Variants in RNF185 observed in about 807,000 individuals in gnomAD.
RNF185 encodes ring finger protein 185.
Under a neutral mutation model 24.9 loss-of-function variants are expected in RNF185, and 13 were observed. That is an observed-to-expected ratio of 0.52 (90% CI 0.34 to 0.83). The LOEUF (loss-of-function observed/expected upper bound fraction) is 0.83. Among genes scored for constraint, RNF185 ranks in the 40% least tolerant of loss-of-function variants. The pLI is 0.01. For synonymous variants in RNF185, 79 were observed against 90.3 expected, an observed-to-expected ratio of 0.88 and a Z score of 0.71; for missense variants, 184 against 244.7, an observed-to-expected ratio of 0.75 and a Z score of 1.65.
chr22:31,188,122 C>T (rs535507897), intron 2 of RNF185, among the ~76,000 whole-genome samples: 31 of 152,188 alleles, frequency 2.0e-4, no homozygotes, highest in Non-Finnish European at 4.0e-4. Flanking sequence ...GGATGAGGGT[C>T]TGGGAGTGTT....
At chr22:31,173,107 G>C (rs1159689153) in intron 1 of RNF185, among the ~76,000 whole-genome samples, 3 of 152,162 alleles carry the variant, frequency 2.0e-5, no homozygotes, top group Non-Finnish European at 4.4e-5. Flanking sequence ...TCTCACTGGA[G>C]TGGGTAATAG....
intron 1 of RNF185, among the ~76,000 whole-genome samples, chr22:31,184,132 C>A (rs566523327): frequency 6.6e-6 from 1 of 151,376 alleles, no homozygotes; most frequent in South Asian, 2.1e-4. Context: ...GGGCAGCTGC[C>A]GGGCAGAGAC....
chr22:31,201,780 A>G (rs998250555), intron 6 of RNF185, among the ~76,000 whole-genome samples, 165 bp downstream of exon 6: 1 of 152,188 alleles, frequency 6.6e-6, no homozygotes, highest in African/African-American at 2.4e-5. Context: ...AGACATGGTA[A>G]CAATGCTGAG....
At chr22:31,198,697 C>T (rs1227752320) in intron 5 of RNF185, among the ~76,000 whole-genome samples, 1 of 144,674 alleles carries the variant, frequency 6.9e-6, no homozygotes, top group Admixed American at 7.0e-5. Flanking sequence ...CCGCGCACTG[C>T]CACTTTCTTT....
chr22:31,198,961 G>A (rs1381690833), intron 5 of RNF185, among the ~76,000 whole-genome samples: 1 of 150,960 alleles, frequency 6.6e-6, no homozygotes, highest in Non-Finnish European at 1.5e-5. Context: ...TTAGCCGGGT[G>A]TGGTGGCATG....
chr22:31,173,422 C>CACACAA (rs2047950359), intron 1 of RNF185, among the ~76,000 whole-genome samples: 1 of 151,488 alleles, frequency 6.6e-6, no homozygotes, highest in African/African-American at 2.4e-5. Context: ...CACAGACACA[C>CACACAA]ACACACACAC....
chr22:31,172,237 CAG>C (rs1459178539), intron 1 of RNF185, among the ~76,000 whole-genome samples: 1 of 152,108 alleles, frequency 6.6e-6, no homozygotes, highest in African/African-American at 2.4e-5. Context: ...CCTGTAATCC[CAG>C]CATTTTGGGA....
chr22:31,200,078 C>T (rs533799775), intron 5 of RNF185, among the ~76,000 whole-genome samples: 3 of 152,134 alleles, frequency 2.0e-5, no homozygotes, highest in African/African-American at 4.8e-5. Flanking sequence ...GCATGAAGGC[C>T]GGGCACAGTG....
chr22:31,160,987 G>C (rs1406223351), intron 1 of RNF185, among the ~76,000 whole-genome samples: 1 of 152,202 alleles, frequency 6.6e-6, no homozygotes, highest in African/African-American at 2.4e-5. Context: ...TCTTCGCTTT[G>C]AGGCAGCTGG....
At chr22:31,197,696 C>T (rs551466454) in intron 5 of RNF185, among the ~76,000 whole-genome samples, 275 of 152,232 alleles carry the variant, frequency 1.8e-3, no homozygotes, top group African/African-American at 6.1e-3. Flanking sequence ...CACAGGTGCA[C>T]GGCACCATGC....
intron 1 of RNF185, among the ~76,000 whole-genome samples, chr22:31,164,786 A>G (rs1288451420): frequency 6.6e-6 from 1 of 151,428 alleles, no homozygotes; most frequent in East Asian, 1.9e-4. Context: ...GGGTTTCACC[A>G]TGTTGGGCAG....
intron 1 of RNF185, among the ~76,000 whole-genome samples, chr22:31,167,999 A>C (rs1040464825): frequency 1.3e-5 from 2 of 152,286 alleles, no homozygotes; most frequent in Non-Finnish European, 2.9e-5. Flanking sequence ...TATTAAGTAC[A>C]TTCATGTTCT....
At chr22:31,179,638 G>C (rs985346021) in intron 1 of RNF185, among the ~76,000 whole-genome samples, 2 of 152,332 alleles carry the variant, frequency 1.3e-5, no homozygotes, top group South Asian at 4.1e-4. Context: ...CCTGCCTACA[G>C]TTGGGACATG....
At chr22:31,187,455 G>C (rs1482671949) in intron 2 of RNF185, among the ~76,000 whole-genome samples, 185 bp downstream of exon 2, 1 of 152,180 alleles carries the variant, frequency 6.6e-6, no homozygotes, top group South Asian at 2.1e-4. Context: ...GGCAAATCCT[G>C]TCTCCACTCT....
chr22:31,201,471 G>A, intron 5 of RNF185, 27 bp from the exon 6 acceptor site: 1 of 1,537,984 alleles, frequency 6.5e-7, no homozygotes, highest in African/African-American at 1.4e-5. Context: ...TGATTCTCCT[G>A]CCCTTAATTG....
chr22:31,191,571 C>G (rs940499863), intron 2 of RNF185, among the ~76,000 whole-genome samples: 2 of 152,104 alleles, frequency 1.3e-5, no homozygotes, highest in African/African-American at 4.8e-5. Flanking sequence ...TGGCTCACAC[C>G]TTTAATCCCA....
chr22:31,183,391 T>C (rs954581867), intron 1 of RNF185, among the ~76,000 whole-genome samples: 9 of 150,998 alleles, frequency 6.0e-5, no homozygotes, highest in African/African-American at 2.2e-4. Flanking sequence ...TTTTTTTTTT[T>C]AATTTTAGTA....
intron 5 of RNF185, among the ~76,000 whole-genome samples, chr22:31,199,492 C>G (rs1769729048): frequency 6.6e-6 from 1 of 152,190 alleles, no homozygotes; most frequent in Non-Finnish European, 1.5e-5. Flanking sequence ...AAGTGCATAC[C>G]TCTAGCATTT....
intron 5 of RNF185, 72 bp from the exon 6 acceptor site, chr22:31,201,426 A>T (rs1216788487): frequency 1.9e-6 from 2 of 1,029,756 alleles, no homozygotes. Flanking sequence ...AACGTGAGGT[A>T]TGTTGAGTTT....
Sources: allele counts gnomAD v4.1 joint callset (sites outside exome capture counted in the v4.1 genomes callset), GRCh38; gene constraint gnomAD v4.1.1; transcripts MANE v1.5; gene names NCBI Gene and HGNC (gene_info 2026-07-23, HGNC 2026-07-21).